The following CORIN variants were observed in gnomAD, a reference collection of about 807,000 sequenced individuals.
CORIN encodes atrial natriuretic peptide-converting enzyme.
Under a neutral mutation model 125.3 loss-of-function variants are expected in CORIN, and 117 were observed. That is an observed-to-expected ratio of 0.93 (90% CI 0.80 to 1.09). The LOEUF (loss-of-function observed/expected upper bound fraction) is 1.09, where lower values mean the gene tolerates loss of function less well. CORIN is among the 50% of genes least tolerant of loss of function. The pLI, the probability that CORIN is intolerant of heterozygous loss-of-function variation, is 0.00. For synonymous variants in CORIN, 450 were observed against 466.4 expected, an observed-to-expected ratio of 0.96 and a Z score of 0.45; for missense variants, 1,253 against 1,306.7, an observed-to-expected ratio of 0.96 and a Z score of 0.63.
chr4:47,706,856 C>T (rs1726591701), intron 5 of CORIN: 12 of 1,598,554 alleles, frequency 7.5e-6, no homozygotes, highest in South Asian at 1.1e-5. Flanking sequence ...CAGGGAGATG[C>T]GTGGGCTGAC....
chr4:47,635,388 A>G (rs2109590439), intron 16 of CORIN, among the ~76,000 whole-genome samples: 1 of 152,358 alleles, frequency 6.6e-6, no homozygotes, highest in South Asian at 2.1e-4. Context: ...ACATGCTGAG[A>G]CTGAAAGCTG....
At chr4:47,613,673 T>C (rs1721956852) in intron 19 of CORIN, among the ~76,000 whole-genome samples, 1 of 150,442 alleles carries the variant, frequency 6.6e-6, no homozygotes, top group Non-Finnish European at 1.5e-5. Flanking sequence ...ATGGATGAAA[T>C]TGGAAATCAT....
At chr4:47,689,446 T>G (rs1051260620) in intron 6 of CORIN, among the ~76,000 whole-genome samples, 1 of 152,160 alleles carries the variant, frequency 6.6e-6, no homozygotes, top group African/African-American at 2.4e-5. Flanking sequence ...TAGTCATTAC[T>G]ACACCGTATT....
At position 47,678,055 on chromosome 4, in the gene CORIN, C is replaced by T. The variant is rs1270343211; in HGVS notation, c.1133-1G>A. 6.3e-6 allele frequency: 10 copies of T among 1,597,148 alleles called. No homozygotes were observed. Among genetic ancestry groups the T allele is most frequent in the Non-Finnish European group, 7.7e-6 (9 of 1,164,668 alleles). On this transcript the variant is annotated splice_acceptor_variant, in intron 8 of 21. Coordinates refer to ENST00000273857, the MANE Select transcript of CORIN (RefSeq NM_006587.4). LOFTEE classifies it high-confidence loss of function. Reference sequence around the variant, plus strand: ...TCCACCAGACCCTGGCTGTGACAGGCTAGGAAGGACCATAACAATATTCAC... The same window carrying T: ...TCCACCAGACCCTGGCTGTGACAGGTTAGGAAGGACCATAACAATATTCAC...
At chr4:47,673,330 C>T (rs1724854796) in intron 10 of CORIN, among the ~76,000 whole-genome samples, 1 of 150,458 alleles carries the variant, frequency 6.6e-6, no homozygotes, top group African/African-American at 2.4e-5. Context: ...GAGCCGATAT[C>T]GTGCCACTGC....
At chr4:47,726,767 G>A (rs1436967384) in intron 5 of CORIN, among the ~76,000 whole-genome samples, 1 of 151,908 alleles carries the variant, frequency 6.6e-6, no homozygotes, top group South Asian at 2.1e-4. Context: ...AATAAGTTTT[G>A]ACATTGAAGA....
chr4:47,690,293 G>A (rs1396296710), intron 6 of CORIN, among the ~76,000 whole-genome samples: 1 of 152,150 alleles, frequency 6.6e-6, no homozygotes, highest in Admixed American at 6.5e-5. Context: ...ATTTAAGACT[G>A]GGTTCAAATT....
intron 16 of CORIN, among the ~76,000 whole-genome samples, chr4:47,631,035 G>A (rs1263502815): frequency 6.6e-6 from 1 of 152,128 alleles, no homozygotes; most frequent in African/African-American, 2.4e-5. Flanking sequence ...GCCGGAGGGT[G>A]CCTATAAATC....
chr4:47,785,379 A>G (rs959049022), intron 3 of CORIN, among the ~76,000 whole-genome samples: 49 of 151,888 alleles, frequency 3.2e-4, no homozygotes, highest in Admixed American at 1.3e-4. Context: ...ATCATCTGTC[A>G]CCTCTCACCA....
At chr4:47,808,357 G>A (rs987150707) in intron 1 of CORIN, among the ~76,000 whole-genome samples, 2 of 152,156 alleles carry the variant, frequency 1.3e-5, no homozygotes, top group African/African-American at 2.4e-5. Context: ...AATATTCTCA[G>A]GACTTCCTGA....
At chr4:47,664,097 C>T (rs1724366036) in intron 11 of CORIN, among the ~76,000 whole-genome samples, 1 of 152,172 alleles carries the variant, frequency 6.6e-6, no homozygotes, top group Admixed American at 6.5e-5. Flanking sequence ...TCTGCAGTTG[C>T]TACTCGCATT....
chr4:47,650,114 G>C (rs1301570390), intron 13 of CORIN, among the ~76,000 whole-genome samples: 2 of 152,156 alleles, frequency 1.3e-5, no homozygotes, highest in Non-Finnish European at 2.9e-5. Context: ...TACAACCTAA[G>C]GGGATTCTGA....
intron 5 of CORIN, among the ~76,000 whole-genome samples, chr4:47,702,124 A>T (rs1726324991): frequency 6.6e-6 from 1 of 152,164 alleles, no homozygotes; most frequent in African/African-American, 2.4e-5. Context: ...TCTTTAAAAA[A>T]ATTGTGTTTA....
chr4:47,662,680 CAAAT>C (rs890815658), intron 11 of CORIN, among the ~76,000 whole-genome samples: 2 of 151,788 alleles, frequency 1.3e-5, no homozygotes, highest in Admixed American at 1.3e-4. Flanking sequence ...TTAATGGACT[CAAAT>C]AAACTCTTAC....
chr4:47,615,717 A>T (rs996623256), intron 19 of CORIN, among the ~76,000 whole-genome samples: 3 of 152,182 alleles, frequency 2.0e-5, no homozygotes, highest in African/African-American at 7.2e-5. Flanking sequence ...CAACACTCAG[A>T]AGGAAGAAAC....
At chr4:47,615,837 T>TGA (rs75797319) in intron 19 of CORIN, among the ~76,000 whole-genome samples, 19,623 of 152,040 alleles carry the variant, frequency 0.13, 1,688 homozygotes, top group East Asian at 0.47. Flanking sequence ...AGTCCAGAAG[T>TGA]GAGATGATGG....
At chr4:47,709,537 C>T (rs1726744500) in intron 5 of CORIN, among the ~76,000 whole-genome samples, 1 of 152,060 alleles carries the variant, frequency 6.6e-6, no homozygotes, top group South Asian at 2.1e-4. Flanking sequence ...AGCGACTCAC[C>T]CATCTCGGCC....
chr4:47,673,107 G>A (rs114494162), intron 10 of CORIN, among the ~76,000 whole-genome samples: 2,136 of 152,108 alleles, frequency 0.014, 34 homozygotes, highest in Middle Eastern at 0.031. Context: ...GCGCCTGTAA[G>A]GCCAGTGGAT....
chr4:47,651,668 G>C (rs904735504), intron 13 of CORIN, among the ~76,000 whole-genome samples: 3 of 152,094 alleles, frequency 2.0e-5, no homozygotes, highest in Non-Finnish European at 2.9e-5. Context: ...TCCTTAACTA[G>C]AGCTCTCAAT....
Sources: allele counts gnomAD v4.1 joint callset (sites outside exome capture counted in the v4.1 genomes callset), GRCh38; gene constraint gnomAD v4.1.1; transcripts MANE v1.5; gene names NCBI Gene and HGNC (gene_info 2026-07-23, HGNC 2026-07-21).